MAP4K5: variants seen among roughly 807,000 people sequenced by gnomAD.
MAP4K5 encodes the protein MAPK/ERK kinase kinase kinase 5.
Under a neutral mutation model 135.6 loss-of-function variants are expected in MAP4K5, and 82 were observed. The ratio of observed to expected loss-of-function variants is 0.60; its 90% CI spans 0.51 to 0.73. The LOEUF (loss-of-function observed/expected upper bound fraction) is 0.73, where lower values mean the gene tolerates loss of function less well. MAP4K5 is among the 30% of genes least tolerant of loss of function. MAP4K5 has a pLI of 0.00. For synonymous variants in MAP4K5, 347 were observed against 335.0 expected (o/e 1.04, Z -0.39); for missense variants, 907 against 1,010.9 (o/e 0.90, Z 1.39).
chr14:50,513,262 G>C (rs1454324871), intron 2 of MAP4K5, among the ~76,000 whole-genome samples: 1 of 151,944 alleles, frequency 6.6e-6, no homozygotes, highest in East Asian at 1.9e-4. Flanking sequence ...TACTACTAAG[G>C]AAGTATTTCA....
rs1055239843 is a variant in MAP4K5 at position 50,466,532 on chromosome 14, A to G, written c.737+51T>C. ...TCTGCAAAATATGGGAACTGAATCT[A>G]TACTCCTTTCGATTGTAAAATTCTA... On this transcript the variant is annotated intron_variant, in intron 11 of 32. Transcript: ENST00000682126. 3 of 906,566 alleles carry G rather than the reference A, an allele frequency of 3.3e-6. No individual in the cohort carries two copies. In the African/African-American group the frequency reaches 5.0e-5, roughly 15 times the overall value. 56.2% of individuals were successfully genotyped at this position (906,566 alleles called of 1,614,324 possible).
chr14:50,445,929 T>C lies in MAP4K5; in HGVS notation c.1185+150A>G. 7 of 478,136 alleles carry C rather than the reference T, an allele frequency of 1.5e-5. No homozygotes were observed. In the East Asian group the frequency reaches 1.5e-4, roughly 10 times the overall value. The allele number at this position is 478,136 out of a possible 1,614,324, so 29.6% of individuals were successfully genotyped here. A position where few individuals can be genotyped will look rare whatever the true frequency, so the allele number is the denominator to read the frequency against. ...TCCTCATGAAATCTTCTTTACTATATATTTTACACCATCATACACTTCTTT... is the reference window on the plus strand; with the variant it reads ...TCCTCATGAAATCTTCTTTACTATACATTTTACACCATCATACACTTCTTT... On this transcript the variant is annotated intron_variant, in intron 17 of 32. Transcript: ENST00000682126.
chr14:50,461,733 A>C (rs1031897964), intron 13 of MAP4K5, among the ~76,000 whole-genome samples: 1 of 152,114 alleles, frequency 6.6e-6, no homozygotes, highest in African/African-American at 2.4e-5. Context: ...ATCCTGGCCA[A>C]CTTAGTGAAA....
chr14:50,488,359 T>C (rs1172651861), intron 3 of MAP4K5, among the ~76,000 whole-genome samples: 2 of 152,182 alleles, frequency 1.3e-5, no homozygotes, highest in Non-Finnish European at 2.9e-5. Flanking sequence ...CAAGATGAGA[T>C]TTGGGTGGGG....
chr14:50,470,910 A>T (rs1294332336), intron 9 of MAP4K5, among the ~76,000 whole-genome samples: 1 of 152,204 alleles, frequency 6.6e-6, no homozygotes, highest in Non-Finnish European at 1.5e-5. Context: ...CAGATATGGA[A>T]TTACTGAGAA....
At chr14:50,480,754 A>C (rs11157745) in intron 6 of MAP4K5, among the ~76,000 whole-genome samples, 128,777 of 152,084 alleles carry the variant, frequency 0.85, 55,907 homozygotes, top group Non-Finnish European at 0.93. Context: ...GATGGTATAT[A>C]CACATAGCCT....
At chr14:50,536,351 G>A (rs539941369), upstream of MAP4K5, among the ~76,000 whole-genome samples, 7 of 151,030 alleles carry the variant, frequency 4.6e-5, no homozygotes, top group East Asian at 1.2e-3. Flanking sequence ...CAGGAGAATC[G>A]CTTGAACCCA....
upstream of MAP4K5, among the ~76,000 whole-genome samples, chr14:50,536,171 G>A (rs768896123): frequency 2.0e-5 from 3 of 152,184 alleles, no homozygotes; most frequent in South Asian, 4.1e-4. Context: ...GAGGTCTGGC[G>A]CCATGGCCCA....
At chr14:50,502,316 T>C (rs931451207) in intron 3 of MAP4K5, among the ~76,000 whole-genome samples, 3 of 152,160 alleles carry the variant, frequency 2.0e-5, no homozygotes, top group African/African-American at 7.2e-5. Flanking sequence ...TCCGTATAGT[T>C]GCAAAAACCA....
chr14:50,448,463 A>C (rs1334302775), intron 15 of MAP4K5, among the ~76,000 whole-genome samples: 2 of 152,002 alleles, frequency 1.3e-5, no homozygotes, highest in Admixed American at 6.5e-5. Context: ...TAAAACAAAC[A>C]GAATCAGTTA....
intron 3 of MAP4K5, among the ~76,000 whole-genome samples, chr14:50,497,518 A>G (rs575248126): frequency 1.3e-5 from 2 of 152,210 alleles, no homozygotes; most frequent in Non-Finnish European, 2.9e-5. Context: ...CACTTGTCCT[A>G]TTTGGCCAAA....
At chr14:50,481,044 G>C (rs1045143976) in intron 6 of MAP4K5, among the ~76,000 whole-genome samples, 1 of 151,506 alleles carries the variant, frequency 6.6e-6, no homozygotes, top group South Asian at 2.1e-4. Flanking sequence ...ACCAGCGCCA[G>C]AGTGCAAATT....
intron 2 of MAP4K5, among the ~76,000 whole-genome samples, chr14:50,519,054 A>G (rs891580680): frequency 6.6e-6 from 1 of 152,210 alleles, no homozygotes; most frequent in Non-Finnish European, 1.5e-5. Flanking sequence ...CATTATTTAC[A>G]ATAAAGAAAT....
rs1342291563 is a variant in MAP4K5, at chr14:50,464,022, G to C, written c.819+30C>G. ...CTGATATGTCTAATTTATGACTATA[G>C]GAAGACCCCTCGTAATTTCAATGAC... is the stretch of plus-strand genomic sequence containing the variant. On this transcript the variant is annotated intron_variant, in intron 12 of 32. Transcript: ENST00000682126. 3.1e-6 allele frequency: 4 copies of C among 1,282,926 alleles called. No individual in the cohort carries two copies. In the African/African-American group the frequency reaches 4.5e-5, roughly 14 times the overall value. The allele number at this position is 1,282,926 out of a possible 1,614,324, so 79.5% of individuals were successfully genotyped here. A position where few individuals can be genotyped will look rare whatever the true frequency, so the allele number is the denominator to read the frequency against.
intron 14 of MAP4K5, 90 bp downstream of exon 14, chr14:50,456,426 G>T: frequency 1.0e-6 from 1 of 971,462 alleles, no homozygotes; most frequent in Non-Finnish European, 1.6e-6. Context: ...TGTAGCCTTA[G>T]TCTGAAATTT....
chr14:50,448,929 AAAG>A, intron 14 of MAP4K5, 97 bp from the exon 15 acceptor site: 5 of 672,376 alleles, frequency 7.4e-6, no homozygotes, highest in Non-Finnish European at 1.3e-5. Context: ...GGGGAGGGAG[AAAG>A]AAGAGGGGAA....
chr14:50,490,088 T>TGA (rs915084225), intron 3 of MAP4K5, among the ~76,000 whole-genome samples: 97 of 147,316 alleles, frequency 6.6e-4, no homozygotes, highest in African/African-American at 2.1e-3. Flanking sequence ...TGTGTGTGTG[T>TGA]GAGAGAGAGA....
At chr14:50,525,301 A>C (rs2038239717) in intron 2 of MAP4K5, among the ~76,000 whole-genome samples, 1 of 152,178 alleles carries the variant, frequency 6.6e-6, no homozygotes. Flanking sequence ...GTAGTCACTC[A>C]AGCCAGAAAT....
chr14:50,519,563 A>AG (rs1188172196), intron 2 of MAP4K5, among the ~76,000 whole-genome samples: 1 of 152,136 alleles, frequency 6.6e-6, no homozygotes, highest in Non-Finnish European at 1.5e-5. Context: ...CTGAAGCAGG[A>AG]GAATTGCTTG....
Sources: gnomAD v4.1 joint callset for allele counts (sites outside exome capture counted in the v4.1 genomes callset) on GRCh38, gnomAD v4.1.1 for gene constraint, MANE v1.5 for transcripts, NCBI Gene and HGNC (gene_info 2026-07-23, HGNC 2026-07-21) for gene names.